DUSP22: variants seen among roughly 807,000 people sequenced by gnomAD.
DUSP22 encodes the protein dual specificity protein phosphatase 22.
Under a neutral mutation model 24.5 loss-of-function variants are expected in DUSP22, and 24 were observed. The observed-to-expected ratio is 0.98, with a 90% CI of 0.71 to 1.38. The LOEUF (loss-of-function observed/expected upper bound fraction) is 1.38. Ranked by LOEUF, DUSP22 falls within the 40% of genes most tolerant of loss-of-function variation. DUSP22 has a pLI of 0.00. For missense variants in DUSP22, 330 were observed against 269.2 expected, an observed-to-expected ratio of 1.23 and a Z score of -1.58; for synonymous variants, 160 against 106.4, an observed-to-expected ratio of 1.50 and a Z score of -3.10.
chr6:302,941 G>A (rs1367036686), intron 1 of DUSP22, among the ~76,000 whole-genome samples: 4 of 152,300 alleles, frequency 2.6e-5, no homozygotes, highest in African/African-American at 9.6e-5. Context: ...GCTTGGTGGG[G>A]TCTTAGGGGA....
chr6:349,268 AGT>A lies in DUSP22; in HGVS notation c.*319_*320del. 1.5e-6 allele frequency: 2 copies of A among 1,318,122 alleles called. No individual in the cohort carries two copies. Among genetic ancestry groups the A allele is most frequent in the South Asian group, 3.5e-5 (2 of 56,914 alleles). The allele number at this position is 1,318,122 out of a possible 1,614,324, so 81.7% of individuals were successfully genotyped here. On this transcript the variant is annotated 3_prime_UTR_variant, in exon 7 of 7. Transcript: ENST00000419235. ...GTGGATGCATGTGTGTGCCTGTGTGAGTGAGGGTATGTGCACCTAAGTGTGTA... is the reference window on the plus strand; with the variant it reads ...GTGGATGCATGTGTGTGCCTGTGTGAGAGGGTATGTGCACCTAAGTGTGTA...
intron 3 of DUSP22, among the ~76,000 whole-genome samples, chr6:328,928 G>A (rs1039277415): frequency 5.9e-5 from 9 of 152,412 alleles, no homozygotes; most frequent in East Asian, 3.8e-4. Context: ...ATCTTCCTTG[G>A]GATGGGATTT....
At chr6:300,293 C>T (rs1245376755) in intron 1 of DUSP22, among the ~76,000 whole-genome samples, 1 of 152,312 alleles carries the variant, frequency 6.6e-6, no homozygotes, top group African/African-American at 2.4e-5. Flanking sequence ...CGGGCTCGGG[C>T]TCAGGCTGAA....
At chr6:322,933 C>T (rs958094461) in intron 3 of DUSP22, among the ~76,000 whole-genome samples, 1 of 152,258 alleles carries the variant, frequency 6.6e-6, no homozygotes, top group Admixed American at 6.5e-5. Flanking sequence ...GCTCTCTGGG[C>T]ACCATTGTTG....
At chr6:295,378 G>T (rs1305409467) in intron 1 of DUSP22, among the ~76,000 whole-genome samples, 3 of 152,278 alleles carry the variant, frequency 2.0e-5, no homozygotes, top group Admixed American at 6.5e-5. Context: ...CCGGGCTCCT[G>T]TACGGCGGAA....
chr6:296,728 A>C (rs1002766183), intron 1 of DUSP22, among the ~76,000 whole-genome samples: 1 of 152,310 alleles, frequency 6.6e-6, no homozygotes, highest in Admixed American at 6.5e-5. Flanking sequence ...ATTATGTCAG[A>C]GAAGGCTGCC....
chr6:339,893 C>T (rs1317341455), intron 4 of DUSP22, among the ~76,000 whole-genome samples: 1 of 152,294 alleles, frequency 6.6e-6, no homozygotes, highest in Admixed American at 6.5e-5. Flanking sequence ...GCTAGTTGGG[C>T]CCTTGGACTA....
At chr6:318,775 T>G (rs1758443837) in intron 3 of DUSP22, among the ~76,000 whole-genome samples, 1 of 152,310 alleles carries the variant, frequency 6.6e-6, no homozygotes. Context: ...CAGCGCTGTT[T>G]GTAATGGCAA....
intron 3 of DUSP22, among the ~76,000 whole-genome samples, chr6:330,441 C>T (rs866287633): frequency 1.3e-4 from 20 of 152,300 alleles, no homozygotes; most frequent in South Asian, 2.1e-4. Context: ...CTTCTTACAA[C>T]GCCTCAGAAA....
At chr6:303,945 A>G (rs868621227) in intron 1 of DUSP22, among the ~76,000 whole-genome samples, 3 of 152,306 alleles carry the variant, frequency 2.0e-5, no homozygotes, top group South Asian at 4.1e-4. Flanking sequence ...GCCTTAGAAG[A>G]GTTGACATTT....
At chr6:294,123 G>T (rs1247735769) in intron 1 of DUSP22, among the ~76,000 whole-genome samples, 1 of 152,292 alleles carries the variant, frequency 6.6e-6, no homozygotes, top group Non-Finnish European at 1.5e-5. Context: ...AATACAGATG[G>T]TTGCCTAAGG....
At chr6:303,792 G>A (rs1057069944) in intron 1 of DUSP22, among the ~76,000 whole-genome samples, 5 of 152,310 alleles carry the variant, frequency 3.3e-5, no homozygotes. Flanking sequence ...TTGTGGGTGT[G>A]AAAGAAGCCA....
chr6:346,996 T>C (rs1210699707), intron 5 of DUSP22, among the ~76,000 whole-genome samples: 15 of 152,398 alleles, frequency 9.8e-5, no homozygotes, highest in Non-Finnish European at 2.1e-4. Flanking sequence ...TGAAATCACA[T>C]GATTTTTCAT....
chr6:293,719 C>T (rs1279119190), intron 1 of DUSP22, among the ~76,000 whole-genome samples: 4 of 152,200 alleles, frequency 2.6e-5, no homozygotes, highest in African/African-American at 9.7e-5. Context: ...CCTGGTTACC[C>T]AGTTTGTGAA....
intron 1 of DUSP22, among the ~76,000 whole-genome samples, chr6:292,788 TTGCCAGCCGG>T (rs1218877576): frequency 6.6e-6 from 1 of 152,040 alleles, no homozygotes; most frequent in Non-Finnish European, 1.5e-5. Flanking sequence ...GCCGCCTGCC[TTGCCAGCCGG>T]TGCGTTTTCG....
intron 1 of DUSP22, among the ~76,000 whole-genome samples, chr6:302,650 C>T (rs562821367): frequency 7.2e-5 from 11 of 152,412 alleles, no homozygotes; most frequent in African/African-American, 1.7e-4. Context: ...CACTATGATA[C>T]GTTCTCTGAC....
intron 1 of DUSP22, among the ~76,000 whole-genome samples, chr6:295,833 A>C (rs1757302884): frequency 6.6e-6 from 1 of 151,796 alleles, no homozygotes; most frequent in Admixed American, 6.6e-5. Flanking sequence ...ACAACAACAC[A>C]GTTGTGAACC....
intron 1 of DUSP22, among the ~76,000 whole-genome samples, chr6:302,943 C>T (rs1371338076): frequency 2.0e-5 from 3 of 152,302 alleles, no homozygotes; most frequent in Admixed American, 1.3e-4. Context: ...TTGGTGGGGT[C>T]TTAGGGGATA....
At chr6:302,033 A>T (rs538346552) in intron 1 of DUSP22, among the ~76,000 whole-genome samples, 3 of 152,422 alleles carry the variant, frequency 2.0e-5, no homozygotes, top group East Asian at 3.9e-4. Flanking sequence ...CTCTTGATTT[A>T]AAAAAAGTGC....
Sources: allele counts gnomAD v4.1 joint callset (sites outside exome capture counted in the v4.1 genomes callset), GRCh38; gene constraint gnomAD v4.1.1; transcripts MANE v1.5; gene names NCBI Gene and HGNC (gene_info 2026-07-23, HGNC 2026-07-21).